The following KRTAP19-6 variants were observed in gnomAD, a reference collection of about 807,000 sequenced individuals.
The protein encoded by KRTAP19-6 is keratin-associated protein 19-6.
For synonymous variants in KRTAP19-6, 20 were observed against 27.5 expected, an observed-to-expected ratio of 0.73 and a Z score of 0.85; for missense variants, 70 against 70.3, an observed-to-expected ratio of 1.00 and a Z score of 0.02.
chr21:30,541,558 A>G lies in KRTAP19-6; in HGVS notation c.*99T>C. 7.7e-7 allele frequency: 1 copy of G among 1,292,262 alleles called. No individual in the cohort carries two copies. The highest frequency in any genetic ancestry group is 1.1e-6 in the Non-Finnish European group (1 of 907,106). The allele number at this position is 1,292,262 out of a possible 1,614,324, so 80.0% of individuals were successfully genotyped here. A position where few individuals can be genotyped will look rare whatever the true frequency, so the allele number is the denominator to read the frequency against. The stretch of plus-strand genomic sequence containing the variant: ...TAGTTCCTTCTGGAGCATGAAGCCA[A>G]AAAATGGTAGGTATTTTCTCTACAT... On this transcript the variant is annotated 3_prime_UTR_variant, in exon 1 of 1. Coordinates refer to ENST00000334046, the MANE Select transcript of KRTAP19-6 (RefSeq NM_181612.3).
chr21:30,541,841 G>A lies in KRTAP19-6; in HGVS notation c.-8C>T, dbSNP rs1455201695. On this transcript the variant is annotated 5_prime_UTR_variant, in exon 1 of 1. Transcript: ENST00000334046. ...GCTGCCATAGTATCTCATGGTGTCA[G>A]GGACTAGAGATTCAGTTCAATGCTA... is the stretch of plus-strand genomic sequence containing the variant. 10 of 1,609,742 alleles carry A rather than the reference G, an allele frequency of 6.2e-6. No individual in the cohort carries two copies. The highest frequency in any genetic ancestry group is 2.2e-5 in the South Asian group (2 of 90,868).
rs1395132116 is a variant in KRTAP19-6 at position 30,541,654 on chromosome 21, T to C, written c.*3A>G. The C allele has an allele frequency of 6.6e-7, 1 of 1,523,498 alleles. No individual in the cohort carries two copies. Among genetic ancestry groups the C allele is most frequent in the South Asian group, 1.1e-5 (1 of 88,024 alleles). 94.4% of individuals were successfully genotyped at this position (1,523,498 alleles called of 1,614,324 possible). ...AGTTAGAGTATGAGAATCAGCAAGT[T>C]TTTTAGTAGAATCCAGAGAATCCAT... On this transcript the variant is annotated 3_prime_UTR_variant, in exon 1 of 1. Transcript: ENST00000334046.
chr21:30,541,540 T>G lies in KRTAP19-6; in HGVS notation c.*117A>C. 1.0e-6 allele frequency: 1 copy of G among 954,060 alleles called. No homozygotes were observed. The highest frequency in any genetic ancestry group is 1.6e-6 in the Non-Finnish European group (1 of 607,610). 59.1% of individuals were successfully genotyped at this position (954,060 alleles called of 1,614,324 possible). ...TCCATAAAAACTGATGGCTAGTTCC[T>G]TCTGGAGCATGAAGCCAAAAAATGG... On this transcript the variant is annotated 3_prime_UTR_variant, in exon 1 of 1. Transcript: ENST00000334046.
chr21:30,541,682 C>T lies in KRTAP19-6; in HGVS notation c.152G>A (p.Gly51Glu). Residue 51 changes from glycine to glutamate, a missense_variant, in exon 1 of 1, where the codon GGA becomes GAA. Gly to Glu is a moderately conservative substitution (Grantham distance 98). Transcript: ENST00000334046. ...TTAGTAGAATCCAGAGAATCCATAT[C>T]CTTCACGGCATGATGGGCGGCAGCA... ...YGCCRPSCRE[G>E]YGFSGFY The T allele has an allele frequency of 1.9e-6, 3 of 1,613,686 alleles. No homozygotes were observed. Among genetic ancestry groups the T allele is most frequent in the Non-Finnish European group, 2.5e-6 (3 of 1,179,630 alleles).
Position 30,541,583 on chromosome 21 carries a change from T to C in KRTAP19-6, c.*74A>G, listed in dbSNP as rs376597771. On this transcript the variant is annotated 3_prime_UTR_variant, in exon 1 of 1. Coordinates refer to ENST00000334046, the MANE Select transcript of KRTAP19-6 (RefSeq NM_181612.3). ...AAAAATGGTAGGTATTTTCTCTACATTGAGAAAAGTGTTCGCCTTGCTGAA... is the reference window on the plus strand; with the variant it reads ...AAAAATGGTAGGTATTTTCTCTACACTGAGAAAAGTGTTCGCCTTGCTGAA... The C allele has an allele frequency of 4.0e-6, 6 of 1,504,380 alleles. No homozygotes were observed. Among genetic ancestry groups the C allele is most frequent in the African/African-American group, 1.4e-5 (1 of 72,224 alleles). 93.2% of individuals were successfully genotyped at this position (1,504,380 alleles called of 1,614,324 possible).
rs564699183 is a variant in KRTAP19-6 at position 30,541,689 on chromosome 21, G to A, written c.145C>T (p.Arg49Cys). The A allele has an allele frequency of 3.1e-6, 5 of 1,613,668 alleles. No homozygotes were observed. The highest frequency in any genetic ancestry group is 2.2e-5 in the South Asian group (2 of 91,064). Residue 49 changes from arginine (R) to cysteine (C), a missense_variant, in exon 1 of 1, where the codon CGT (arginine) becomes TGT (cysteine). Arg to Cys is a radical substitution (Grantham distance 180, BLOSUM62 -3). Transcript: ENST00000334046. Reference protein sequence around the residue: ...YRYGCCRPSCREGYGFSGFY With the variant: ...YRYGCCRPSCCEGYGFSGFY Reference sequence around the variant, plus strand: ...AATCCAGAGAATCCATATCCTTCACGGCATGATGGGCGGCAGCAGCCATAT... The same window carrying A: ...AATCCAGAGAATCCATATCCTTCACAGCATGATGGGCGGCAGCAGCCATAT...
At position 30,541,632 on chromosome 21, in the gene KRTAP19-6, T is replaced by TA. The variant is rs1164694589; in HGVS notation, c.*24dup. The TA allele has an allele frequency of 6.2e-7, 1 of 1,602,406 alleles. No homozygotes were observed. Among genetic ancestry groups the TA allele is most frequent in the Admixed American group, 1.7e-5 (1 of 58,898 alleles). ...AAGCATACGGGCAAGATCTTGGAGTTAGAGTATGAGAATCAGCAAGTTTTT... is the reference window on the plus strand; with the variant it reads ...AAGCATACGGGCAAGATCTTGGAGTTAAGAGTATGAGAATCAGCAAGTTTTT... On this transcript the variant is annotated 3_prime_UTR_variant, in exon 1 of 1. Coordinates refer to ENST00000334046, the MANE Select transcript of KRTAP19-6 (RefSeq NM_181612.3).
chr21:30,541,638 A>G lies in KRTAP19-6; in HGVS notation c.*19T>C, dbSNP rs757859043. The G allele has an allele frequency of 2.5e-6, 4 of 1,591,296 alleles. No individual in the cohort carries two copies. Among genetic ancestry groups the G allele is most frequent in the Admixed American group, 3.5e-5 (2 of 57,504 alleles). ...ACGGGCAAGATCTTGGAGTTAGAGT[A>G]TGAGAATCAGCAAGTTTTTTAGTAG... is the stretch of plus-strand genomic sequence containing the variant. On this transcript the variant is annotated 3_prime_UTR_variant, in exon 1 of 1. Coordinates refer to ENST00000334046, the MANE Select transcript of KRTAP19-6 (RefSeq NM_181612.3).
chr21:30,541,555 C>A lies in KRTAP19-6; in HGVS notation c.*102G>T. On this transcript the variant is annotated 3_prime_UTR_variant, in exon 1 of 1. Coordinates refer to ENST00000334046, the MANE Select transcript of KRTAP19-6 (RefSeq NM_181612.3). ...GGCTAGTTCCTTCTGGAGCATGAAG[C>A]CAAAAAATGGTAGGTATTTTCTCTA... The A allele has an allele frequency of 1.6e-6, 2 of 1,224,098 alleles. No individual in the cohort carries two copies. Among genetic ancestry groups the A allele is most frequent in the South Asian group, 1.3e-5 (1 of 77,298 alleles). The allele number at this position is 1,224,098 out of a possible 1,614,324, so 75.8% of individuals were successfully genotyped here.
chr21:30,541,737 CATATCTGTAGCCTCCA>C, the KRTAP19-6 span: 1 of 1,613,620 alleles, frequency 6.2e-7, no homozygotes, highest in Non-Finnish European at 8.5e-7. Flanking sequence ...TAGCCAGAGC[CATATCTGTAGCCTCCA>C]CAGCCACAGC....
chr21:30,541,853 T>C lies in KRTAP19-6; in HGVS notation c.-20A>G, dbSNP rs747152010. 6 of 1,605,050 alleles carry C rather than the reference T, an allele frequency of 3.7e-6. No individual in the cohort carries two copies. In the African/African-American group the frequency reaches 8.0e-5, roughly 22 times the overall value. The stretch of plus-strand genomic sequence containing the variant: ...TCTCATGGTGTCAGGGACTAGAGAT[T>C]CAGTTCAATGCTAATGATGAGTTTC... On this transcript the variant is annotated 5_prime_UTR_variant, in exon 1 of 1. Transcript: ENST00000334046.
chr21:30,541,633 A>C lies in KRTAP19-6; in HGVS notation c.*24T>G. On this transcript the variant is annotated 3_prime_UTR_variant, in exon 1 of 1. Coordinates refer to ENST00000334046, the MANE Select transcript of KRTAP19-6 (RefSeq NM_181612.3). ...AGCATACGGGCAAGATCTTGGAGTT[A>C]GAGTATGAGAATCAGCAAGTTTTTT... is the stretch of plus-strand genomic sequence containing the variant. The C allele has an allele frequency of 1.9e-6, 3 of 1,599,784 alleles. No individual in the cohort carries two copies. The highest frequency in any genetic ancestry group is 2.6e-6 in the Non-Finnish European group (3 of 1,173,912).
At chr21:30,541,662 AG>A in the KRTAP19-6 span, 1,156,174 of 1,608,912 alleles carry the variant, frequency 0.72, 417,647 homozygotes, top group African/African-American at 0.88. Flanking sequence ...GTTTTTTAGT[AG>A]AATCCAGAGA....
rs779102736 is a variant in KRTAP19-6, at chr21:30,541,821, C to T, written c.13G>A (p.Gly5Ser). MRYY[G>S]SYYRGLGYGC... is the part of the protein sequence containing the mutation. Reference sequence around the variant, plus strand: ...TATCCCAGGCCTCTGTAGTAGCTGCCATAGTATCTCATGGTGTCAGGGACT... The same window carrying T: ...TATCCCAGGCCTCTGTAGTAGCTGCTATAGTATCTCATGGTGTCAGGGACT... The change falls in exon 1 of 1, where the codon GGC becomes AGC. Residue 5 changes from glycine to serine, a missense_variant. Gly to Ser is a moderately conservative substitution (Grantham distance 56). Transcript: ENST00000334046. The T allele has an allele frequency of 1.2e-6, 2 of 1,613,544 alleles. No homozygotes were observed. The highest frequency in any genetic ancestry group is 2.7e-5 in the African/African-American group (2 of 74,896).
Position 30,541,752 on chromosome 21 carries a change from C to T in KRTAP19-6, c.82G>A (p.Gly28Arg), listed in dbSNP as rs760894787. Residue 28 changes from glycine to arginine, a missense_variant, in exon 1 of 1, where the codon GGA becomes AGA. Gly to Arg is a moderately radical substitution (Grantham distance 125). Coordinates refer to ENST00000334046, the MANE Select transcript of KRTAP19-6 (RefSeq NM_181612.3). ...TAGCCAGAGCCATATCTGTAGCCTC[C>T]ACAGCCACAGCCATAGCCCAGACCA... The part of the protein sequence containing the change: ...FGGLGYGCGC[G>R]GYRYGSGYGG... The T allele has an allele frequency of 7.4e-6, 12 of 1,613,762 alleles. No homozygotes were observed. The highest frequency in any genetic ancestry group is 2.2e-5 in the East Asian group (1 of 44,892).
At position 30,541,697 on chromosome 21, in the gene KRTAP19-6, GGGC is replaced by G; in HGVS notation, c.134_136del (p.Arg45del). ...GAATCCATATCCTTCACGGCATGATGGGCGGCAGCAGCCATATCTATAGCCTCC... is the reference window on the plus strand; with the variant it reads ...GAATCCATATCCTTCACGGCATGATGGGCAGCAGCCATATCTATAGCCTCC... On this transcript the variant is annotated inframe_deletion, in exon 1 of 1. Transcript: ENST00000334046. The G allele has an allele frequency of 6.2e-7, 1 of 1,613,622 alleles. No individual in the cohort carries two copies. The highest frequency in any genetic ancestry group is 8.5e-7 in the Non-Finnish European group (1 of 1,179,548).
the KRTAP19-6 span, chr21:30,541,795 A>T: frequency 6.2e-7 from 1 of 1,614,164 alleles, no homozygotes; most frequent in Non-Finnish European, 8.5e-7. Flanking sequence ...CTCCACAGCC[A>T]TATCCCAGGC....
At position 30,541,561 on chromosome 21, in the gene KRTAP19-6, A is replaced by C; in HGVS notation, c.*96T>G. On this transcript the variant is annotated 3_prime_UTR_variant, in exon 1 of 1. Transcript: ENST00000334046. ...TTCCTTCTGGAGCATGAAGCCAAAA[A>C]ATGGTAGGTATTTTCTCTACATTGA... The C allele has an allele frequency of 7.7e-7, 1 of 1,302,084 alleles. No individual in the cohort carries two copies. Among genetic ancestry groups the C allele is most frequent in the Non-Finnish European group, 1.1e-6 (1 of 914,510 alleles). 80.7% of individuals were successfully genotyped at this position (1,302,084 alleles called of 1,614,324 possible).
rs572524878 is a variant in KRTAP19-6, at chr21:30,541,759, A to G, written c.75T>C (p.Cys25=). The G allele has an allele frequency of 1.2e-5, 19 of 1,614,112 alleles. No individual in the cohort carries two copies. In the South Asian group the frequency reaches 1.9e-4, roughly 16 times the overall value. The change falls in exon 1 of 1, where the codon TGT becomes TGC. Residue 25 remains cysteine (C), a synonymous_variant. Transcript: ENST00000334046. ...AGCCATATCTGTAGCCTCCACAGCC[A>G]CAGCCATAGCCCAGACCACCAAAGC... ...CGGFGGLGYG[C]GCGGYRYGSG...
Sources: gnomAD v4.1 joint callset for allele counts on GRCh38, gnomAD v4.1.1 for gene constraint, MANE v1.5 for transcripts, NCBI Gene and HGNC (gene_info 2026-07-23, HGNC 2026-07-21) for gene names.